Variants in CACUL1 observed in about 807,000 individuals in gnomAD.
The protein encoded by CACUL1 is CDK2-associated and cullin domain-containing protein 1.
In CACUL1, 13 loss-of-function variants were observed where a neutral mutation model predicts 45.2. The ratio of observed to expected loss-of-function variants is 0.29; its 90% confidence interval spans 0.19 to 0.46. CACUL1 has a LOEUF of 0.46. Among genes scored for constraint, CACUL1 ranks in the 20% least tolerant of loss-of-function variants. CACUL1 has a pLI of 1.00. For missense variants in CACUL1, 421 were observed against 471.4 expected, an observed-to-expected ratio of 0.89 and a Z score of 0.99; for synonymous variants, 197 against 174.2, an observed-to-expected ratio of 1.13 and a Z score of -1.03.
chr10:118,741,463 C>G lies in CACUL1; in HGVS notation c.368-11053G>C, dbSNP rs545282999. On this transcript the variant is annotated intron_variant, in intron 1 of 8. Transcript: ENST00000369151. The stretch of plus-strand genomic sequence containing the variant: ...CCATAGACACCTTAAAAGAGACAGA[C>G]AGACACACACACACACACACCCCCT... 3.3e-5 allele frequency among the ~76,000 whole-genome samples: 5 copies of G among 149,320 alleles called. No homozygotes were observed. In the South Asian group the frequency reaches 1.0e-3, roughly 31 times the overall value.
chr10:118,722,142 G>T (rs1353717583), intron 3 of CACUL1, among the ~76,000 whole-genome samples: 1 of 150,956 alleles, frequency 6.6e-6, no homozygotes, highest in Non-Finnish European at 1.5e-5. Context: ...AGAGTGCAAT[G>T]GTGCGATCTC....
At chr10:118,730,205 T>C in intron 2 of CACUL1, 79 bp downstream of exon 2, 3 of 1,411,892 alleles carry the variant, frequency 2.1e-6, no homozygotes, top group Non-Finnish European at 3.0e-6. Context: ...CTACATTACA[T>C]GTTTGTGTGA....
chr10:118,690,994 T>C (rs564777733), intron 7 of CACUL1, among the ~76,000 whole-genome samples: 3 of 152,314 alleles, frequency 2.0e-5, no homozygotes, highest in South Asian at 4.1e-4. Flanking sequence ...GAGGTTGTGG[T>C]AAGCCGAGAT....
intron 3 of CACUL1, among the ~76,000 whole-genome samples, chr10:118,728,524 C>T (rs946379767): frequency 3.9e-5 from 6 of 152,014 alleles, no homozygotes; most frequent in South Asian, 4.2e-4. Flanking sequence ...CTCCTGACTT[C>T]GTGATCTACC....
rs1436384881 is a variant in CACUL1 at position 118,754,737 on chromosome 10, T to A, written c.26A>T (p.Glu9Val). ...CATCATCGCCTCGTAGCTGCCCCCC[T>A]CCTCCTCTTCCATGCTTTCCTCCAT... MEESMEEE[E>V]GGSYEAMMDD... Residue 9 changes from glutamate (E) to valine (V), a missense_variant, in exon 1 of 9, where the codon GAG (glutamate) becomes GTG (valine). Physicochemically the swap from Glu to Val is moderately radical, Grantham distance 121. Coordinates refer to ENST00000369151, the MANE Select transcript of CACUL1 (RefSeq NM_153810.5). 3 of 1,597,572 alleles carry A rather than the reference T, an allele frequency of 1.9e-6. No individual in the cohort carries two copies. Among genetic ancestry groups the A allele is most frequent in the Non-Finnish European group, 2.6e-6 (3 of 1,173,792 alleles).
chr10:118,717,875 G>C (rs1187522654), intron 3 of CACUL1, among the ~76,000 whole-genome samples: 1 of 152,192 alleles, frequency 6.6e-6, no homozygotes, highest in African/African-American at 2.4e-5. Context: ...ATAGCAAGAT[G>C]TGCCGGGCTT....
At chr10:118,746,407 T>C (rs1340376073) in intron 1 of CACUL1, among the ~76,000 whole-genome samples, 1 of 152,210 alleles carries the variant, frequency 6.6e-6, no homozygotes, top group Non-Finnish European at 1.5e-5. Context: ...GATATCCATA[T>C]AGAATAAACG....
At chr10:118,748,621 G>A (rs1845866908) in intron 1 of CACUL1, among the ~76,000 whole-genome samples, 1 of 152,090 alleles carries the variant, frequency 6.6e-6, no homozygotes, top group Admixed American at 6.5e-5. Flanking sequence ...ATGCTTAAAG[G>A]AAATGTTCAC....
chr10:118,753,672 C>T (rs1845921295), intron 1 of CACUL1, among the ~76,000 whole-genome samples: 2 of 152,192 alleles, frequency 1.3e-5, no homozygotes, highest in South Asian at 4.1e-4. Context: ...TTAAGACAGA[C>T]TACTAACATA....
intron 1 of CACUL1, among the ~76,000 whole-genome samples, chr10:118,731,431 G>A (rs185105020): frequency 6.6e-6 from 1 of 152,116 alleles, no homozygotes; most frequent in East Asian, 1.9e-4. Flanking sequence ...TTTTTTCTAT[G>A]TACCATCTAT....
At chr10:118,742,702 A>AT (rs1327873235) in intron 1 of CACUL1, among the ~76,000 whole-genome samples, 1 of 152,166 alleles carries the variant, frequency 6.6e-6, no homozygotes, top group Non-Finnish European at 1.5e-5. Context: ...CCCTGCCATG[A>AT]TATTACCTGA....
At position 118,754,884 on chromosome 10, in the gene CACUL1, AG is replaced by A. The variant is rs1254679035; in HGVS notation, c.-123del. 1 of 1,354,292 alleles carries A rather than the reference AG, an allele frequency of 7.4e-7. No individual in the cohort carries two copies. The allele number at this position is 1,354,292 out of a possible 1,614,324, so 83.9% of individuals were successfully genotyped here. ...GGCGGCAGGAATGGGCGCAGCGGAG[AG>A]GGCTGCGGTGCGCAGGGTCTCTCGC... On this transcript the variant is annotated 5_prime_UTR_variant, in exon 1 of 9. Transcript: ENST00000369151.
chr10:118,694,282 T>A (rs1297150856), intron 6 of CACUL1, among the ~76,000 whole-genome samples: 1 of 152,218 alleles, frequency 6.6e-6, no homozygotes, highest in East Asian at 1.9e-4. Context: ...TTAATTAAAA[T>A]AACCATTAAA....
intron 8 of CACUL1, among the ~76,000 whole-genome samples, 178 bp from the exon 9 acceptor site, chr10:118,686,346 G>C (rs1229213827): frequency 6.6e-6 from 1 of 152,110 alleles, no homozygotes; most frequent in East Asian, 1.9e-4. Flanking sequence ...AGAACCTAAG[G>C]AACTGGGACT....
chr10:118,702,419 T>G, intron 4 of CACUL1, among the ~76,000 whole-genome samples: 1 of 152,188 alleles, frequency 6.6e-6, no homozygotes. Context: ...GTAATACTAT[T>G]GAACCACAGA....
At chr10:118,696,456 C>T (rs1319505105) in intron 5 of CACUL1, among the ~76,000 whole-genome samples, 1 of 152,188 alleles carries the variant, frequency 6.6e-6, no homozygotes, top group Non-Finnish European at 1.5e-5. Context: ...ACCTGGCCAA[C>T]TTGGTGAAAC....
At chr10:118,692,448 TAGAAAC>T (rs1564828415) in intron 6 of CACUL1, 1 of 152,076 alleles carries the variant, frequency 6.6e-6, no homozygotes, top group Non-Finnish European at 1.5e-5. Flanking sequence ...CCTATAATAA[TAGAAAC>T]AGAATAGCCC....
At chr10:118,740,356 TC>T (rs1845780530) in intron 1 of CACUL1, among the ~76,000 whole-genome samples, 1 of 152,098 alleles carries the variant, frequency 6.6e-6, no homozygotes, top group Admixed American at 6.5e-5. Context: ...ACACCTGTAA[TC>T]CCAGCACTTT....
chr10:118,687,694 C>T (rs1336177721), intron 7 of CACUL1, among the ~76,000 whole-genome samples: 4 of 152,206 alleles, frequency 2.6e-5, no homozygotes, highest in African/African-American at 7.2e-5. Context: ...CTCCAGCCTA[C>T]TCTCCCACCT....
Sources: gnomAD v4.1 joint callset for allele counts (sites outside exome capture counted in the v4.1 genomes callset) on GRCh38, gnomAD v4.1.1 for gene constraint, MANE v1.5 for transcripts, NCBI Gene and HGNC (gene_info 2026-07-23, HGNC 2026-07-21) for gene names.